The following LGI2 variants were observed in gnomAD, a reference collection of about 807,000 sequenced individuals.
The protein encoded by LGI2 is leucine rich repeat LGI family member 2.
A neutral mutation model predicts 52.0 loss-of-function variants in LGI2; 30 were observed. That is an observed-to-expected ratio of 0.58 (90% CI 0.43 to 0.78). LGI2 has a LOEUF of 0.78. Among genes scored for constraint, LGI2 ranks in the 30% least tolerant of loss-of-function variants. LGI2 has a pLI of 0.00. For synonymous variants in LGI2, 270 were observed against 271.8 expected (o/e 0.99, Z 0.06); for missense variants, 573 against 692.5 (o/e 0.83, Z 1.94).
intron 5 of LGI2, among the ~76,000 whole-genome samples, 189 bp downstream of exon 5, chr4:25,018,977 GT>G (rs1725860899): frequency 1.3e-5 from 2 of 152,146 alleles, no homozygotes; most frequent in South Asian, 4.1e-4. Flanking sequence ...TGGCCTCATG[GT>G]GCTAAGTATA....
intron 1 of LGI2, 148 bp from the exon 2 acceptor site, chr4:25,028,726 G>C (rs1323494774): frequency 5.4e-5 from 36 of 666,474 alleles, no homozygotes; most frequent in Non-Finnish European, 9.3e-5. Flanking sequence ...TCTTCCCCGG[G>C]GTAGGAATAA....
At chr4:25,007,585 G>C (rs1201822945) in intron 7 of LGI2, among the ~76,000 whole-genome samples, 2,315 of 50,544 alleles carry the variant, frequency 0.046, 64 homozygotes, top group African/African-American at 0.15. Context: ...ATCAGTGTGT[G>C]TGTGTGTGTG....
chr4:25,029,489 G>T (rs1390844992), intron 1 of LGI2, among the ~76,000 whole-genome samples: 2 of 152,316 alleles, frequency 1.3e-5, no homozygotes, highest in Non-Finnish European at 1.5e-5. Flanking sequence ...TCACCCCGGG[G>T]ATTCCCTGCC....
chr4:25,007,749 G>T (rs549176181), intron 7 of LGI2, among the ~76,000 whole-genome samples: 1 of 152,172 alleles, frequency 6.6e-6, no homozygotes, highest in Non-Finnish European at 1.5e-5. Context: ...GAACCTCAGG[G>T]TGAACATGAC....
At position 25,030,688 on chromosome 4, in the gene LGI2, C is replaced by A; in HGVS notation, c.6G>T (p.Ala2=). The A allele has an allele frequency of 7.3e-7, 1 of 1,374,456 alleles. No homozygotes were observed. The highest frequency in any genetic ancestry group is 9.3e-7 in the Non-Finnish European group (1 of 1,070,436). 85.1% of individuals were successfully genotyped at this position (1,374,456 alleles called of 1,614,324 possible). A position where few individuals can be genotyped will look rare whatever the true frequency, so the allele number is the denominator to read the frequency against. M[A]LRRGGCGALG... ...GCGCTCCGCAGCCGCCTCTCCGCAG[C>A]GCCATGCCCGGTCCCCGCTCCCCGC... The change falls in exon 1 of 8, where the codon GCG becomes GCT. Residue 2 remains alanine, a synonymous_variant. Coordinates refer to ENST00000382114, the MANE Select transcript of LGI2 (RefSeq NM_018176.4).
At chr4:25,030,148 C>T (rs1726283110) in intron 1 of LGI2, among the ~76,000 whole-genome samples, 2 of 152,168 alleles carry the variant, frequency 1.3e-5, no homozygotes, top group African/African-American at 4.8e-5. Flanking sequence ...TTGAGTCTCC[C>T]GGGGACGTCA....
rs188822222 is a variant in LGI2, at chr4:25,001,789, T to C, written c.*1662A>G. 6.7e-6 allele frequency: 1 copy of C among 149,558 alleles called. No individual in the cohort carries two copies. Among genetic ancestry groups the C allele is most frequent in the Admixed American group, 6.7e-5 (1 of 14,832 alleles). The allele number at this position is 149,558 out of a possible 1,614,324, so 9.3% of individuals were successfully genotyped here. A position where few individuals can be genotyped will look rare whatever the true frequency, so the allele number is the denominator to read the frequency against. ...AATGCTTCATTCTCTGAGTGCTATT[T>C]ATTGTCTCAATCTTCATTGCTTAAA... On this transcript the variant is annotated 3_prime_UTR_variant, in exon 8 of 8. Coordinates refer to ENST00000382114, the MANE Select transcript of LGI2 (RefSeq NM_018176.4).
At position 25,003,104 on chromosome 4, in the gene LGI2, C is replaced by T. The variant is rs1179005947; in HGVS notation, c.*347G>A. The T allele has an allele frequency of 2.3e-5, 4 of 170,706 alleles. No individual in the cohort carries two copies. Among genetic ancestry groups the T allele is most frequent in the Non-Finnish European group, 4.9e-5 (4 of 81,338 alleles). 10.6% of individuals were successfully genotyped at this position (170,706 alleles called of 1,614,324 possible). Reference sequence around the variant, plus strand: ...AGGGGCTCAAAGTTTTTTTTTATTTCATTATAAGTGCTGTCCCATCTTATC... The same window carrying T: ...AGGGGCTCAAAGTTTTTTTTTATTTTATTATAAGTGCTGTCCCATCTTATC... On this transcript the variant is annotated 3_prime_UTR_variant, in exon 8 of 8. Coordinates refer to ENST00000382114, the MANE Select transcript of LGI2 (RefSeq NM_018176.4).
chr4:25,020,339 T>C (rs1360840738), intron 4 of LGI2, among the ~76,000 whole-genome samples: 2 of 152,204 alleles, frequency 1.3e-5, no homozygotes, highest in Non-Finnish European at 2.9e-5. Context: ...GCATCAACTC[T>C]TTCTCCGATG....
rs1331526059 is a variant in LGI2 at position 25,030,417 on chromosome 4, C to T, written c.197+80G>A. 5.7e-6 allele frequency: 8 copies of T among 1,401,874 alleles called. No individual in the cohort carries two copies. The Admixed American group carries it at 1.7e-4, about 29-fold the overall frequency. 86.8% of individuals were successfully genotyped at this position (1,401,874 alleles called of 1,614,324 possible). ...GGAGTGGGTCAGGGTCGCGCTGGCC[C>T]GGCGCCAGAGGCAACTCCCTCGCGG... On this transcript the variant is annotated intron_variant, in intron 1 of 7. Coordinates refer to ENST00000382114, the MANE Select transcript of LGI2 (RefSeq NM_018176.4).
chr4:25,018,954 T>C (rs931200746), intron 5 of LGI2, among the ~76,000 whole-genome samples: 1 of 151,880 alleles, frequency 6.6e-6, no homozygotes, highest in South Asian at 2.1e-4. Flanking sequence ...ACCCAGCAAG[T>C]GTGATTTACC....
intron 6 of LGI2, among the ~76,000 whole-genome samples, chr4:25,012,878 G>A (rs1173216016): frequency 2.0e-5 from 3 of 152,232 alleles, no homozygotes; most frequent in East Asian, 3.8e-4. Flanking sequence ...TGTGACAAGC[G>A]GGGGCTGCGG....
At chr4:25,022,405 A>G (rs1726000064) in intron 4 of LGI2, among the ~76,000 whole-genome samples, 1 of 152,164 alleles carries the variant, frequency 6.6e-6, no homozygotes, top group Non-Finnish European at 1.5e-5. Context: ...TGTTCTGAAG[A>G]CACTCAGAGA....
At chr4:25,011,383 G>A (rs757012595) in intron 7 of LGI2, among the ~76,000 whole-genome samples, 21 of 152,100 alleles carry the variant, frequency 1.4e-4, no homozygotes, top group African/African-American at 4.6e-4. Context: ...ATGGCCCGAC[G>A]GTGGCCAGCT....
chr4:25,029,536 G>A (rs1343079649), intron 1 of LGI2, among the ~76,000 whole-genome samples: 1 of 152,212 alleles, frequency 6.6e-6, no homozygotes, highest in Non-Finnish European at 1.5e-5. Flanking sequence ...TCTTGGCCTG[G>A]AACAAGAGAG....
rs1182949263 is a variant in LGI2 at position 24,999,653 on chromosome 4, G to A, written c.*3798C>T. On this transcript the variant is annotated 3_prime_UTR_variant, in exon 8 of 8. Transcript: ENST00000382114. ...CATGCAAATAGACTCCCCTCCTGCA[G>A]ATCTTCATCTCACCTTCATTATACC... The A allele has an allele frequency of 3.1e-6, 1 of 325,230 alleles. No individual in the cohort carries two copies. The highest frequency in any genetic ancestry group is 6.0e-6 in the Non-Finnish European group (1 of 165,366). The allele number at this position is 325,230 out of a possible 1,614,324, so 20.1% of individuals were successfully genotyped here.
intron 3 of LGI2, 107 bp from the exon 4 acceptor site, chr4:25,024,998 T>C (rs1577560963): frequency 2.7e-6 from 2 of 743,554 alleles, no homozygotes; most frequent in Admixed American, 3.1e-5. Context: ...TCCTGAATTA[T>C]AAGAATTGAT....
At chr4:25,011,925 ATG>A (rs145138871) in intron 7 of LGI2, among the ~76,000 whole-genome samples, 3 of 151,638 alleles carry the variant, frequency 2.0e-5, no homozygotes, top group African/African-American at 4.8e-5. Flanking sequence ...ACTATAGGGT[ATG>A]TGTGTGTGTG....
intron 6 of LGI2, among the ~76,000 whole-genome samples, chr4:25,014,924 A>G (rs1205158063): frequency 6.6e-6 from 1 of 152,026 alleles, no homozygotes; most frequent in Non-Finnish European, 1.5e-5. Flanking sequence ...AGAGGACCAG[A>G]GGAATTTAAA....
Sources: gnomAD v4.1 joint callset for allele counts (sites outside exome capture counted in the v4.1 genomes callset) on GRCh38, gnomAD v4.1.1 for gene constraint, MANE v1.5 for transcripts, NCBI Gene and HGNC (gene_info 2026-07-23, HGNC 2026-07-21) for gene names.